Variants in LRP1B observed in about 807,000 individuals in gnomAD.
LRP1B encodes the protein LDL receptor related protein 1B, also known as low-density lipoprotein receptor-related protein 1B.
In LRP1B, 217 loss-of-function variants were observed where a neutral mutation model predicts 556.6. The ratio of observed to expected loss-of-function variants is 0.39; its 90% CI spans 0.35 to 0.44. The LOEUF (loss-of-function observed/expected upper bound fraction) is 0.44. LRP1B is among the 20% of genes least tolerant of loss of function. The pLI, the probability that LRP1B is intolerant of heterozygous loss-of-function variation, is 1.00. For missense variants in LRP1B, 5,053 were observed against 5,620.8 expected, an observed-to-expected ratio of 0.90 and a Z score of 3.23; for synonymous variants, 2,047 against 1,865.8, an observed-to-expected ratio of 1.10 and a Z score of -2.50.
intron 1 of LRP1B, among the ~76,000 whole-genome samples, chr2:141,847,458 A>G (rs190210852): frequency 7.3e-4 from 111 of 151,738 alleles, no homozygotes; most frequent in Non-Finnish European, 1.4e-3. Flanking sequence ...TTTAAAAGAC[A>G]TGAAAGCAGC....
At chr2:140,721,708 C>T (rs568930552) in intron 35 of LRP1B, among the ~76,000 whole-genome samples, 1 of 109,940 alleles carries the variant, frequency 9.1e-6, no homozygotes, top group African/African-American at 3.4e-5. Context: ...CCAGCACACC[C>T]GGCTATTTTT....
rs955510414 is a variant in LRP1B, at chr2:141,179,265, G to T, written c.1013+9156C>A. 2.0e-5 allele frequency among the ~76,000 whole-genome samples: 3 copies of T among 151,900 alleles called. No individual in the cohort carries two copies. The East Asian group carries it at 5.8e-4, about 30-fold the overall frequency. ...TTGAATTTATGAGACTAATTATTTAGGTATGTGTTGAAATTAGATTCCCAA... is the reference window on the plus strand; with the variant it reads ...TTGAATTTATGAGACTAATTATTTATGTATGTGTTGAAATTAGATTCCCAA... On this transcript the variant is annotated intron_variant, in intron 7 of 90. Transcript: ENST00000389484.
intron 22 of LRP1B, among the ~76,000 whole-genome samples, chr2:140,904,182 C>T (rs2105225807): frequency 6.6e-6 from 1 of 152,088 alleles, no homozygotes; most frequent in Admixed American, 6.6e-5. Flanking sequence ...CACACATTGT[C>T]CTAAAATTTA....
intron 18 of LRP1B, among the ~76,000 whole-genome samples, chr2:140,971,674 A>C (rs1696429672): frequency 6.6e-6 from 1 of 152,102 alleles, no homozygotes; most frequent in Admixed American, 6.5e-5. Context: ...CTCTACTAAC[A>C]ATACAAAAAA....
chr2:141,188,549 T>A lies in LRP1B; in HGVS notation c.885A>T (p.Arg295=). 6.2e-7 allele frequency: 1 copy of A among 1,612,558 alleles called. No homozygotes were observed. Among genetic ancestry groups the A allele is most frequent in the East Asian group, 2.2e-5 (1 of 44,794 alleles). Residue 295 remains arginine, a synonymous_variant, in exon 7 of 91, where the codon CGA becomes CGT. Coordinates refer to ENST00000389484, the MANE Select transcript of LRP1B (RefSeq NM_018557.3). ...CGACATGGTCCACAAAATAGAGATT[T>A]CGAGTGAGCCAGTCAATCGCCATTT... ...VQQMAIDWLT[R]NLYFVDHVGD...
At chr2:141,702,152 G>A (rs548195235) in intron 2 of LRP1B, among the ~76,000 whole-genome samples, 1 of 151,962 alleles carries the variant, frequency 6.6e-6, no homozygotes, top group Non-Finnish European at 1.5e-5. Flanking sequence ...GGGCGACACT[G>A]GGTGAAAATG....
intron 1 of LRP1B, among the ~76,000 whole-genome samples, chr2:142,036,142 C>T (rs574499768): frequency 6.6e-6 from 1 of 151,618 alleles, no homozygotes. Context: ...GAACACCACC[C>T]CAGGCCATCT....
intron 18 of LRP1B, among the ~76,000 whole-genome samples, chr2:140,959,438 T>C (rs1695970083): frequency 6.6e-6 from 1 of 151,592 alleles, no homozygotes; most frequent in Admixed American, 6.6e-5. Context: ...TAAACTCATA[T>C]CTAACAATGA....
intron 66 of LRP1B, among the ~76,000 whole-genome samples, chr2:140,425,128 G>T (rs946475908): frequency 6.6e-6 from 1 of 150,842 alleles, no homozygotes; most frequent in African/African-American, 2.4e-5. Flanking sequence ...ACTGATTTTT[G>T]ATTGGTTTAT....
chr2:140,720,199 A>G (rs1687352178), intron 35 of LRP1B, among the ~76,000 whole-genome samples: 2 of 152,162 alleles, frequency 1.3e-5, no homozygotes, highest in East Asian at 3.9e-4. Context: ...CTGTAGGCAT[A>G]AAATATGGTG....
intron 11 of LRP1B, among the ~76,000 whole-genome samples, chr2:141,043,255 T>TAAAATA (rs1558820675): frequency 8.3e-6 from 1 of 120,774 alleles, no homozygotes; most frequent in African/African-American, 2.8e-5. Flanking sequence ...AATAAATAAA[T>TAAAATA]AAAATAAAAA....
Position 140,541,093 on chromosome 2 carries a change from G to T in LRP1B, c.7393C>A (p.Leu2465Ile), listed in dbSNP as rs768647069. The stretch of plus-strand genomic sequence containing the variant: ...CCATTCAATAATGCACATGGAGAAA[G>T]TTCACCTACAATAAAGAGGGTGTAT... ...AVANDTNSCE[L>I]SPCALLNGGC... is the part of the protein sequence containing the mutation. Residue 2465 changes from leucine (L) to isoleucine (I), a missense_variant, in exon 45 of 91, where the codon CTT becomes ATT. By Grantham distance (5) the Leu-to-Ile change is conservative. Transcript: ENST00000389484. 2.5e-6 allele frequency: 4 copies of T among 1,607,906 alleles called. No homozygotes were observed. The highest frequency in any genetic ancestry group is 3.4e-6 in the Non-Finnish European group (4 of 1,175,930).
intron 2 of LRP1B, among the ~76,000 whole-genome samples, chr2:141,639,969 G>T (rs900250534): frequency 3.3e-5 from 5 of 152,160 alleles, no homozygotes; most frequent in Admixed American, 2.0e-4. Context: ...TAGCTCCCAA[G>T]CCTGGAACTC....
At chr2:140,626,641 C>A (rs1177812961) in intron 41 of LRP1B, among the ~76,000 whole-genome samples, 5 of 148,768 alleles carry the variant, frequency 3.4e-5, no homozygotes, top group Non-Finnish European at 7.4e-5. Context: ...CAAAGGAAAG[C>A]CCAGAATTCA....
chr2:141,059,155 A>G (rs1699269459), intron 8 of LRP1B, 101 bp from the exon 9 acceptor site: 1 of 731,662 alleles, frequency 1.4e-6, no homozygotes, highest in Non-Finnish European at 2.1e-6. Flanking sequence ...TGGCCACAGC[A>G]GAAGAACCGC....
chr2:141,253,291 C>G (rs2679448), intron 4 of LRP1B, among the ~76,000 whole-genome samples: 21,403 of 152,156 alleles, frequency 0.14, 1,566 homozygotes, highest in South Asian at 0.22. Flanking sequence ...GTGCAATTTT[C>G]TGATTTTCAA....
chr2:141,907,274 G>A (rs1370115994), intron 1 of LRP1B, among the ~76,000 whole-genome samples: 2 of 151,666 alleles, frequency 1.3e-5, no homozygotes. Flanking sequence ...AAATTTCATA[G>A]AGAACTCAAT....
chr2:142,021,408 C>A (rs1001689634), intron 1 of LRP1B, among the ~76,000 whole-genome samples: 3 of 151,988 alleles, frequency 2.0e-5, no homozygotes, highest in African/African-American at 7.3e-5. Context: ...ATTCATAGGG[C>A]TAATGAGGAT....
intron 1 of LRP1B, among the ~76,000 whole-genome samples, chr2:141,956,268 C>G (rs960219): frequency 7.9e-5 from 12 of 151,826 alleles, no homozygotes; most frequent in Non-Finnish European, 1.2e-4. Flanking sequence ...ATGGTATGAT[C>G]AGATTTTTAA....
Sources: allele counts gnomAD v4.1 joint callset (sites outside exome capture counted in the v4.1 genomes callset), GRCh38; gene constraint gnomAD v4.1.1; transcripts MANE v1.5; gene names NCBI Gene and HGNC (gene_info 2026-07-23, HGNC 2026-07-21).